Variants in MYO9A observed in about 807,000 individuals in gnomAD.
MYO9A encodes the protein myosin IXA, also known as unconventional myosin-IXa.
A neutral mutation model predicts 293.3 loss-of-function variants in MYO9A; 103 were observed. That is an observed-to-expected ratio of 0.35 (90% confidence interval 0.30 to 0.41). MYO9A has a LOEUF of 0.41. MYO9A is among the 10% of genes least tolerant of loss of function. The pLI is 1.00. For synonymous variants in MYO9A, 1,001 were observed against 1,035.7 expected (o/e 0.97, Z 0.64); for missense variants, 2,685 against 3,033.0 (o/e 0.89, Z 2.69).
intron 13 of MYO9A, among the ~76,000 whole-genome samples, chr15:71,965,022 T>C (rs2075838267): frequency 6.6e-6 from 1 of 152,096 alleles, no homozygotes; most frequent in Non-Finnish European, 1.5e-5. Context: ...GTATTTAAAG[T>C]TATAAACTTT....
intron 40 of MYO9A, among the ~76,000 whole-genome samples, chr15:71,828,840 T>C (rs1040123345): frequency 6.6e-6 from 1 of 152,226 alleles, no homozygotes; most frequent in African/African-American, 2.4e-5. Flanking sequence ...AATGCACAGA[T>C]CCTGGAGCTT....
At chr15:72,005,023 A>AATT (rs745523344) in intron 8 of MYO9A, among the ~76,000 whole-genome samples, 1 of 152,194 alleles carries the variant, frequency 6.6e-6, no homozygotes, top group South Asian at 2.1e-4. Context: ...TTAAGATTGC[A>AATT]ATTATTATTA....
chr15:71,928,052 ATATATTTT>A (rs2058369604), intron 18 of MYO9A, among the ~76,000 whole-genome samples: 2 of 10,228 alleles, frequency 2.0e-4, no homozygotes, highest in African/African-American at 4.0e-4. Context: ...ATATATATAT[ATATATTTT>A]TTTTTTTTTT....
chr15:72,068,288 CTAAT>C (rs1382547861), intron 1 of MYO9A, among the ~76,000 whole-genome samples: 2 of 151,918 alleles, frequency 1.3e-5, no homozygotes, highest in African/African-American at 4.8e-5. Flanking sequence ...ATTTATTTTA[CTAAT>C]TTTTTTAAAA....
At chr15:71,865,506 G>A (rs763489150) in intron 32 of MYO9A, among the ~76,000 whole-genome samples, 11 of 152,074 alleles carry the variant, frequency 7.2e-5, no homozygotes, top group Non-Finnish European at 1.6e-4. Context: ...GCTACAACAC[G>A]AATGAACCTT....
At chr15:71,996,190 C>A (rs372994125) in intron 9 of MYO9A, among the ~76,000 whole-genome samples, 8 of 152,060 alleles carry the variant, frequency 5.3e-5, no homozygotes, top group Non-Finnish European at 1.2e-4. Context: ...TAATAAAATT[C>A]AGGAAAAGTA....
At chr15:71,834,474 TA>T (rs2054857518) in intron 39 of MYO9A, among the ~76,000 whole-genome samples, 1 of 151,912 alleles carries the variant, frequency 6.6e-6, no homozygotes, top group African/African-American at 2.4e-5. Flanking sequence ...ACAAATACAT[TA>T]AAAAGAAGGA....
intron 1 of MYO9A, among the ~76,000 whole-genome samples, chr15:72,056,978 G>C (rs1300323870): frequency 6.6e-6 from 1 of 152,102 alleles, no homozygotes; most frequent in Non-Finnish European, 1.5e-5. Context: ...GGCATGGTGG[G>C]TGCCTATAAT....
In MYO9A at chr15:71,898,195, G is replaced by A. The variant is rs2057385889; in HGVS notation, c.4308C>T (p.Asp1436=). The A allele has an allele frequency of 6.2e-7, 1 of 1,613,936 alleles. No homozygotes were observed. The highest frequency in any genetic ancestry group is 8.5e-7 in the Non-Finnish European group (1 of 1,179,998). ...ATAGTTTGTTTCTTTGGATACTTGT[G>A]TCTAGTTGGGAATTTGTTTTCAGTG... ...QDPLKTNSQL[D]TSIQRNKLLE... The change falls in exon 25 of 42, where the codon GAC becomes GAT. Residue 1436 remains aspartate, a synonymous_variant. Coordinates refer to ENST00000356056, the MANE Select transcript of MYO9A (RefSeq NM_006901.4).
intron 18 of MYO9A, among the ~76,000 whole-genome samples, chr15:71,923,873 T>C (rs2058220570): frequency 6.6e-6 from 1 of 152,172 alleles, no homozygotes. Context: ...ATTTCTCTTC[T>C]TCTATTAACT....
intron 28 of MYO9A, among the ~76,000 whole-genome samples, chr15:71,881,483 G>A (rs1280461881): frequency 1.3e-5 from 2 of 151,956 alleles, no homozygotes; most frequent in Non-Finnish European, 2.9e-5. Flanking sequence ...TATGACACAA[G>A]AGTAAAGAAT....
intron 1 of MYO9A, among the ~76,000 whole-genome samples, chr15:72,081,692 TTTAATCCATCTTGAG>T (rs1444607644): frequency 2.6e-5 from 4 of 152,226 alleles, no homozygotes; most frequent in African/African-American, 9.7e-5. Flanking sequence ...AATTAGAGAC[TTTAATCCATCTTGAG>T]TTAATTTTTG....
Position 71,851,337 on chromosome 15 carries a change from G to T in MYO9A, c.6497C>A (p.Thr2166Lys). ...AATCACAGAGTATACACCACGGATT[G>T]TCTCCTTCCTCTCCTGAAGGCCTAA... ...RAMGLQERKE[T>K]IRGVYSVIDQ... The change falls in exon 37 of 42, where the codon ACA (threonine) becomes AAA (lysine). Residue 2166 changes from threonine to lysine, a missense_variant. Around this residue, in one of 10 missense-constraint regions of MYO9A, gnomAD observed 238 missense variants for 269.1 expected, o/e 0.88. Coordinates refer to ENST00000356056, the MANE Select transcript of MYO9A (RefSeq NM_006901.4). 6.2e-7 allele frequency: 1 copy of T among 1,613,664 alleles called. No individual in the cohort carries two copies.
chr15:72,033,388 T>G (rs753644385), intron 2 of MYO9A, among the ~76,000 whole-genome samples: 1 of 152,094 alleles, frequency 6.6e-6, no homozygotes, highest in Non-Finnish European at 1.5e-5. Context: ...TTATGCCTAT[T>G]TAAAACAAAG....
At chr15:72,044,850 G>A (rs546604955) in intron 2 of MYO9A, among the ~76,000 whole-genome samples, 1 of 152,186 alleles carries the variant, frequency 6.6e-6, no homozygotes, top group Non-Finnish European at 1.5e-5. Flanking sequence ...CCCTTATAGG[G>A]GGATATACAA....
At chr15:71,891,311 A>G (rs2142995219) in intron 26 of MYO9A, 1 of 152,374 alleles carries the variant, frequency 6.6e-6, no homozygotes, top group African/African-American at 2.4e-5. Context: ...TGAATGCTCC[A>G]AGCAGAAAGC....
At position 71,901,299 on chromosome 15, in the gene MYO9A, C is replaced by T. The variant is rs1245471843; in HGVS notation, c.3042G>A (p.Leu1014=). The stretch of plus-strand genomic sequence containing the variant: ...TTCTGCGGAGCACCTCTTGGTGAAG[C>T]AGATCTTGTAAGTGCTGTCGTTCCT... ...KEQERQHLQD[L]LHQEVLRRII... is the part of the protein sequence containing the mutation. Residue 1014 remains leucine (L), a synonymous_variant, in exon 23 of 42, where the codon CTG becomes CTA. Transcript: ENST00000356056. The T allele has an allele frequency of 5.6e-6, 9 of 1,613,878 alleles. No individual in the cohort carries two copies. Among genetic ancestry groups the T allele is most frequent in the Non-Finnish European group, 7.6e-6 (9 of 1,179,918 alleles).
intron 39 of MYO9A, among the ~76,000 whole-genome samples, chr15:71,840,218 A>G (rs1240583242): frequency 6.6e-6 from 1 of 152,254 alleles, no homozygotes; most frequent in Non-Finnish European, 1.5e-5. Context: ...GAATTTCACA[A>G]GAGGTTAATT....
chr15:72,047,275 CT>C (rs1284366497), intron 1 of MYO9A, among the ~76,000 whole-genome samples: 5 of 152,208 alleles, frequency 3.3e-5, no homozygotes, highest in African/African-American at 1.2e-4. Flanking sequence ...AATCCTGCCC[CT>C]GACTTGCTAG....
Sources: gnomAD v4.1 joint callset for allele counts (sites outside exome capture counted in the v4.1 genomes callset) on GRCh38, gnomAD v4.1.1 for gene constraint, gnomAD v4.1.1 regional missense constraint, MANE v1.5 for transcripts, NCBI Gene and HGNC (gene_info 2026-07-23, HGNC 2026-07-21) for gene names.